CORO2B: variants seen among roughly 807,000 people sequenced by gnomAD.
CORO2B encodes the protein coronin 2B, also known as coronin-2B.
CORO2B carries 26 observed loss-of-function variants against 58.8 expected under a neutral mutation model. That is an observed-to-expected ratio of 0.44 (90% confidence interval 0.32 to 0.61). The LOEUF (loss-of-function observed/expected upper bound fraction) is 0.61. CORO2B is among the 20% of genes least tolerant of loss of function. The pLI is 0.04. For synonymous variants in CORO2B, 242 were observed against 253.8 expected (o/e 0.95, Z 0.44); for missense variants, 460 against 645.1 (o/e 0.71, Z 3.11).
intron 1 of CORO2B, among the ~76,000 whole-genome samples, chr15:68,595,884 G>A (rs779343515): frequency 4.6e-5 from 7 of 152,328 alleles, no homozygotes; most frequent in Non-Finnish European, 7.3e-5. Context: ...CGGAGCGGGC[G>A]TCTGGGAGGA....
At chr15:68,533,992 C>T in the CORO2B span, among the ~76,000 whole-genome samples, 1 of 152,112 alleles carries the variant, frequency 6.6e-6, no homozygotes, top group Non-Finnish European at 1.5e-5. Flanking sequence ...TCTCCCTGAC[C>T]CCTGGCTTCC....
At position 68,683,563 on chromosome 15, in the gene CORO2B, C is replaced by A. The variant is rs72625781; in HGVS notation, c.217-11577C>A. ...TTCCAACAGTTACAGTTTTGGTGCA[C>A]CACCCCTCCCCCCACTGTAGGATAT... On this transcript the variant is annotated intron_variant, in intron 2 of 11. Coordinates refer to ENST00000261861, the MANE Select transcript of CORO2B (RefSeq NM_006091.5). Among the ~76,000 whole-genome samples, 664 of 151,370 alleles carry A rather than the reference C, an allele frequency of 4.4e-3. 8 individuals are homozygous for A. The highest frequency in any genetic ancestry group is 0.043 in the East Asian group (223 of 5,182).
rs1359225903 is a variant in CORO2B at position 68,714,017 on chromosome 15, A to G, written c.741A>G (p.Thr247=). Residue 247 remains threonine (T), a synonymous_variant, in exon 6 of 12, where the codon ACA becomes ACG. Coordinates refer to ENST00000261861, the MANE Select transcript of CORO2B (RefSeq NM_006091.5). ...LLTTGVSRWN[T]RQIALWDQED... is the part of the protein sequence containing the mutation. The stretch of plus-strand genomic sequence containing the variant: ...CGACAGGGGTCTCCAGGTGGAACAC[A>G]AGACAGATTGCCCTCTGGGACCAGG... 6.2e-7 allele frequency: 1 copy of G among 1,613,800 alleles called. No homozygotes were observed. The highest frequency in any genetic ancestry group is 1.7e-5 in the Admixed American group (1 of 60,014).
Position 68,579,187 on chromosome 15 carries a change from T to TC in CORO2B, c.-74dup, listed in dbSNP as rs1216070977. 2,399 of 989,804 alleles carry TC rather than the reference T, an allele frequency of 2.4e-3. 62 individuals carry two copies. In the African/African-American group the frequency reaches 0.04, roughly 16 times the overall value. The allele number at this position is 989,804 out of a possible 1,614,324, so 61.3% of individuals were successfully genotyped here. Reference sequence around the variant, plus strand: ...CGAGCCGGGAGCTGCCGGACCCCCTTCCGCCGCCGCCCCGGGCCGCCGCCG... The same window carrying TC: ...CGAGCCGGGAGCTGCCGGACCCCCTTCCCGCCGCCGCCCCGGGCCGCCGCCG... On this transcript the variant is annotated 5_prime_UTR_variant, in exon 1 of 12. Coordinates refer to ENST00000261861, the MANE Select transcript of CORO2B (RefSeq NM_006091.5).
At position 68,692,325 on chromosome 15, in the gene CORO2B, G is replaced by A. The variant is rs184109930; in HGVS notation, c.217-2815G>A. On this transcript the variant is annotated intron_variant, in intron 2 of 11. Transcript: ENST00000261861. The stretch of plus-strand genomic sequence containing the variant: ...TTTTAAAAATCATATTCAGCTGGGC[G>A]CAATGGCACACGGCTTTGGAAGGCC... Among the ~76,000 whole-genome samples the A allele has an allele frequency of 7.2e-5, 11 of 152,202 alleles. No individual in the cohort carries two copies. The South Asian group carries it at 1.0e-3, about 14-fold the overall frequency.
chr15:68,533,916 C>G, the CORO2B span, among the ~76,000 whole-genome samples: 1 of 152,142 alleles, frequency 6.6e-6, no homozygotes, highest in Admixed American at 6.6e-5. Flanking sequence ...TCCTTACATC[C>G]TCATGTTCAG....
chr15:68,554,205 T>G, the CORO2B span, among the ~76,000 whole-genome samples: 1 of 152,072 alleles, frequency 6.6e-6, no homozygotes, highest in South Asian at 2.1e-4. Context: ...TAGGTGGCGC[T>G]ATTGGTCATA....
At chr15:68,704,885 G>A (rs941327616) in intron 3 of CORO2B, among the ~76,000 whole-genome samples, 24 of 152,132 alleles carry the variant, frequency 1.6e-4, no homozygotes, top group Admixed American at 1.2e-3. Flanking sequence ...TTTGGCAAAC[G>A]CTACTGAGTT....
chr15:68,559,695 C>A, the CORO2B span: 2 of 632,736 alleles, frequency 3.2e-6, no homozygotes, highest in African/African-American at 5.5e-5. This position sits in a 1 kb window ranked among gnomAD's most constrained non-coding sequence, Gnocchi z 4.3. Context: ...TGGTGCAGTG[C>A]TCTCTGGGGT....
intron 2 of CORO2B, among the ~76,000 whole-genome samples, chr15:68,690,499 C>G (rs541096613): frequency 3.3e-5 from 5 of 152,160 alleles, no homozygotes; most frequent in Non-Finnish European, 7.3e-5. Context: ...CTTCTTACTA[C>G]GCACACATAC....
chr15:68,526,100 T>C, the CORO2B span, among the ~76,000 whole-genome samples: 1 of 152,252 alleles, frequency 6.6e-6, no homozygotes, highest in African/African-American at 2.4e-5. Flanking sequence ...CATGTATCAA[T>C]AGTCATTTTT....
chr15:68,633,514 TACACACAC>T (rs147873341), intron 1 of CORO2B, among the ~76,000 whole-genome samples: 92 of 144,086 alleles, frequency 6.4e-4, no homozygotes, highest in Non-Finnish European at 8.2e-4. Flanking sequence ...TACTCCAACA[TACACACAC>T]ACACACACAC....
At chr15:68,524,619 A>T in the CORO2B span, among the ~76,000 whole-genome samples, 2 of 152,256 alleles carry the variant, frequency 1.3e-5, no homozygotes, top group African/African-American at 4.8e-5. Context: ...GAAGACATTG[A>T]AGCTCATAAA....
chr15:68,705,748 C>A (rs1892769500), intron 3 of CORO2B, among the ~76,000 whole-genome samples: 1 of 152,192 alleles, frequency 6.6e-6, no homozygotes, highest in African/African-American at 2.4e-5. Context: ...GGCTCCTAGG[C>A]AGAGCTGTCA....
In CORO2B at chr15:68,605,787, A is replaced by C. The variant is rs1900103445; in HGVS notation, c.15+26510A>C. ...GCCCAGGCGGGAGTGCAGTGGCGCA[A>C]TATCTCAGCTCACTGCAACCTCCAC... On this transcript the variant is annotated intron_variant, in intron 1 of 11. Transcript: ENST00000261861. 1.4e-5 allele frequency among the ~76,000 whole-genome samples: 2 copies of C among 143,716 alleles called. 1 individual carries two copies. Among genetic ancestry groups the C allele is most frequent in the South Asian group, 4.4e-4 (2 of 4,588 alleles). 94.3% of individuals were successfully genotyped at this position (143,716 alleles called of 152,430 possible). A position where few individuals can be genotyped will look rare whatever the true frequency, so the allele number is the denominator to read the frequency against.
intron 5 of CORO2B, among the ~76,000 whole-genome samples, chr15:68,713,047 C>G (rs982645495): frequency 9.2e-5 from 14 of 152,106 alleles, no homozygotes; most frequent in African/African-American, 3.1e-4. Context: ...TTCTGACTTG[C>G]TGCCAACTTA....
the CORO2B span, among the ~76,000 whole-genome samples, chr15:68,537,788 C>T: frequency 1.3e-5 from 2 of 152,222 alleles, no homozygotes; most frequent in Non-Finnish European, 2.9e-5. Context: ...TACATATTGT[C>T]TATGGCTGCC....
intron 3 of CORO2B, among the ~76,000 whole-genome samples, chr15:68,704,014 C>A (rs1386510139): frequency 2.0e-5 from 3 of 148,106 alleles, no homozygotes; most frequent in African/African-American, 7.5e-5. Context: ...GGCAATATGG[C>A]AAAAACCCTT....
At chr15:68,629,445 C>T (rs1391948411) in intron 1 of CORO2B, among the ~76,000 whole-genome samples, 1 of 152,160 alleles carries the variant, frequency 6.6e-6, no homozygotes, top group East Asian at 1.9e-4. Context: ...GGTCCTGACG[C>T]AGTGGAAGAG....
Sources: allele counts gnomAD v4.1 joint callset (sites outside exome capture counted in the v4.1 genomes callset), GRCh38; gene constraint gnomAD v4.1.1; non-coding constraint Gnocchi (gnomAD v3.1); transcripts MANE v1.5; gene names NCBI Gene and HGNC (gene_info 2026-07-23, HGNC 2026-07-21).